The following DOCK11 variants were observed in gnomAD, a reference collection of about 807,000 sequenced individuals.
The protein encoded by DOCK11 is dedicator of cytokinesis 11.
A neutral mutation model predicts 169.1 loss-of-function variants in DOCK11; 70 were observed. The observed-to-expected ratio is 0.41, with a 90% CI of 0.34 to 0.51. The LOEUF is 0.51. DOCK11 is among the 20% of genes least tolerant of loss of function. The pLI is 0.10. For missense variants in DOCK11, 1,166 were observed against 1,538.8 expected (o/e 0.76, Z 4.05); for synonymous variants, 529 against 541.3 (o/e 0.98, Z 0.32).
intron 1 of DOCK11, among the ~76,000 whole-genome samples, chrX:118,499,897 T>C (rs2147301988): frequency 8.9e-6 from 1 of 111,862 alleles, no homozygotes; most frequent in South Asian, 3.7e-4. Context: ...CCGGTGCAGG[T>C]TGCTGTGAAG....
Position 118,581,805 on chromosome X carries a change from T to TAAAAA in DOCK11, c.1595+1657_1595+1661dup, listed in dbSNP as rs35095116. Among the ~76,000 whole-genome samples, 117 of 12,740 alleles carry TAAAAA rather than the reference T, an allele frequency of 9.2e-3. 20 individuals are homozygous for TAAAAA. The highest frequency in any genetic ancestry group is 0.016 in the African/African-American group (48 of 3,010). 11.1% of individuals were successfully genotyped at this position (12,740 alleles called of 115,157 possible). ...GGCGACAGAGCGAGACTCCGTCTCC[T>TAAAAA]AAAAAAAAAAAAAAAAAAAAAAAAA... On this transcript the variant is annotated intron_variant, in intron 14 of 52. Coordinates refer to ENST00000276202, the MANE Select transcript of DOCK11 (RefSeq NM_144658.4).
intron 35 of DOCK11, among the ~76,000 whole-genome samples, chrX:118,635,994 A>G (rs932490501): frequency 4.5e-5 from 5 of 111,503 alleles, no homozygotes; most frequent in African/African-American, 1.6e-4. Context: ...TCTGGCATAA[A>G]ATTTTAGGGA....
intron 44 of DOCK11, 145 bp downstream of exon 44, chrX:118,655,106 GT>G: frequency 1.9e-6 from 1 of 536,413 alleles, no homozygotes; most frequent in Non-Finnish European, 2.9e-6. Flanking sequence ...AAAATAAGCT[GT>G]TATAAAAGAA....
intron 1 of DOCK11, among the ~76,000 whole-genome samples, chrX:118,523,804 G>A (rs1394351106): frequency 8.9e-6 from 1 of 111,759 alleles, no homozygotes; most frequent in East Asian, 2.8e-4. Context: ...GTGACAAATA[G>A]TTGGTTCGAA....
At position 118,590,139 on chromosome X, in the gene DOCK11, A is replaced by G. The variant is rs113027109; in HGVS notation, c.2047-71A>G. The stretch of plus-strand genomic sequence containing the variant: ...CCTATAGTCACAGATGCCTCTAACT[A>G]TATGTGGTTCCATGGCATCACATTT... On this transcript the variant is annotated intron_variant, in intron 18 of 52. Transcript: ENST00000276202. 2.6e-4 allele frequency: 247 copies of G among 949,336 alleles called. 1 individual carries two copies. In the African/African-American group the frequency reaches 3.9e-3, roughly 15 times the overall value. 78.2% of individuals were successfully genotyped at this position (949,336 alleles called of 1,213,427 possible). A position where few individuals can be genotyped will look rare whatever the true frequency, so the allele number is the denominator to read the frequency against.
chrX:118,558,319 G>A (rs111409613), intron 6 of DOCK11, among the ~76,000 whole-genome samples: 11 of 110,849 alleles, frequency 9.9e-5, no homozygotes, highest in African/African-American at 3.0e-4. Flanking sequence ...TTTGCTGTTA[G>A]GTAAAATGTG....
At position 118,524,055 on chromosome X, in the gene DOCK11, C is replaced by T. The variant is rs139061757; in HGVS notation, c.103-18670C>T. Among the ~76,000 whole-genome samples the T allele has an allele frequency of 4.3e-3, 479 of 112,048 alleles. 9 individuals are homozygous for T. Among genetic ancestry groups the T allele is most frequent in the Admixed American group, 0.026 (271 of 10,600 alleles). ...CAGAGAGCTGGTAGGGCTGAGGAAT[C>T]GTATAAGCCTGTAAGATCTATGTCC... On this transcript the variant is annotated intron_variant, in intron 1 of 52. Coordinates refer to ENST00000276202, the MANE Select transcript of DOCK11 (RefSeq NM_144658.4).
chrX:118,522,490 G>T (rs1011320168), intron 1 of DOCK11, among the ~76,000 whole-genome samples: 2 of 111,954 alleles, frequency 1.8e-5, no homozygotes, highest in African/African-American at 6.5e-5. Context: ...TCTGCTCAGG[G>T]TTTTACAGGT....
At chrX:118,586,742 T>C (rs2013829078) in intron 16 of DOCK11, among the ~76,000 whole-genome samples, 1 of 111,747 alleles carries the variant, frequency 8.9e-6, no homozygotes, top group African/African-American at 3.2e-5. Flanking sequence ...CCATCACATA[T>C]ATATGTAAAG....
chrX:118,574,113 C>T (rs1251851651), intron 12 of DOCK11, 95 bp downstream of exon 12: 9 of 915,686 alleles, frequency 9.8e-6, no homozygotes, highest in South Asian at 5.1e-5. Flanking sequence ...GTTTTCATGG[C>T]ATTCTCTCTC....
intron 31 of DOCK11, among the ~76,000 whole-genome samples, chrX:118,621,644 T>A (rs1442686309): frequency 9.0e-6 from 1 of 111,088 alleles, no homozygotes; most frequent in Non-Finnish European, 1.9e-5. Flanking sequence ...TCTCTCTCTT[T>A]TTTTTTTGTG....
intron 1 of DOCK11, among the ~76,000 whole-genome samples, chrX:118,535,326 A>T (rs974606163): frequency 7.1e-5 from 8 of 111,951 alleles, no homozygotes; most frequent in African/African-American, 2.6e-4. Flanking sequence ...CAATTTCCTC[A>T]TCTGTAAAAT....
chrX:118,662,825 A>C (rs368598492), intron 45 of DOCK11, 33 bp downstream of exon 45: 134 of 858,417 alleles, frequency 1.6e-4, no homozygotes, highest in Middle Eastern at 3.3e-4. Flanking sequence ...TGCCAGTTAT[A>C]TAAATTTCAC....
intron 14 of DOCK11, among the ~76,000 whole-genome samples, chrX:118,583,941 T>C (rs995566074): frequency 3.6e-5 from 4 of 112,029 alleles, no homozygotes; most frequent in Non-Finnish European, 7.5e-5. Flanking sequence ...TTTCCAAATA[T>C]TTTTTATCCA....
At chrX:118,682,816 A>G (rs1385621635) in intron 51 of DOCK11, among the ~76,000 whole-genome samples, 2 of 112,135 alleles carry the variant, frequency 1.8e-5, no homozygotes, top group Non-Finnish European at 3.8e-5. Flanking sequence ...GAAATGATTG[A>G]GCAAGTAGGC....
At position 118,629,816 on chromosome X, in the gene DOCK11, A is replaced by ATTT. The variant is rs67646403; in HGVS notation, c.3775-545_3775-543dup. ...GGCATGCACCATCACACCCAGCTAA[A>ATTT]TTTTTTTTTTTTTTTTTTTTGTAGA... is the stretch of plus-strand genomic sequence containing the variant. On this transcript the variant is annotated intron_variant, in intron 34 of 52. Transcript: ENST00000276202. 7.7e-3 allele frequency among the ~76,000 whole-genome samples: 580 copies of ATTT among 75,398 alleles called. 8 individuals carry two copies. The highest frequency in any genetic ancestry group is 0.027 in the African/African-American group (544 of 20,344). 65.5% of individuals were successfully genotyped at this position (75,398 alleles called of 115,157 possible).
intron 28 of DOCK11, among the ~76,000 whole-genome samples, chrX:118,614,007 A>G (rs1472349825): frequency 8.9e-6 from 1 of 112,015 alleles, no homozygotes; most frequent in Admixed American, 9.5e-5. Flanking sequence ...GGGCAGGAAA[A>G]TGACACCATT....
At chrX:118,545,169 A>G (rs2012217135) in intron 4 of DOCK11, among the ~76,000 whole-genome samples, 154 bp from the exon 5 acceptor site, 1 of 111,515 alleles carries the variant, frequency 9.0e-6, no homozygotes. Context: ...TTTGGAAAGG[A>G]GAATAGGATG....
chrX:118,632,746 C>T (rs1270292222), intron 35 of DOCK11: 1 of 109,861 alleles, frequency 9.1e-6, no homozygotes, highest in Non-Finnish European at 1.9e-5. Context: ...ATTTCATTCT[C>T]TACTTATAGC....
Sources: allele counts gnomAD v4.1 joint callset (sites outside exome capture counted in the v4.1 genomes callset), GRCh38; gene constraint gnomAD v4.1.1; transcripts MANE v1.5; gene names NCBI Gene and HGNC (gene_info 2026-07-23, HGNC 2026-07-21).